HEPH: variants seen among roughly 807,000 people sequenced by gnomAD.
HEPH encodes hephaestin.
Under a neutral mutation model 80.8 loss-of-function variants are expected in HEPH, and 69 were observed. That is an observed-to-expected ratio of 0.85 (90% CI 0.70 to 1.04). HEPH has a LOEUF of 1.04. Ranked by LOEUF, HEPH falls within the 50% of genes least tolerant of loss-of-function variation. HEPH has a pLI of 0.00. For synonymous variants in HEPH, 431 were observed against 322.8 expected (o/e 1.34, Z -3.60); for missense variants, 1,115 against 891.3 (o/e 1.25, Z -3.20).
chrX:66,209,990 T>C (rs1385620710), intron 15 of HEPH, among the ~76,000 whole-genome samples: 1 of 111,493 alleles, frequency 9.0e-6, no homozygotes, highest in Non-Finnish European at 1.9e-5. Context: ...CATCAACATC[T>C]AGATAGTGGT....
intron 9 of HEPH, among the ~76,000 whole-genome samples, chrX:66,197,352 T>C (rs1316855878): frequency 1.8e-5 from 2 of 111,041 alleles, no homozygotes; most frequent in Non-Finnish European, 3.8e-5. Flanking sequence ...GAAGTAGGGA[T>C]GTAAGAGCAG....
rs1194021070 is a variant in HEPH, at chrX:66,263,641, C to T, written c.3200-3C>T. On this transcript the variant is annotated splice_polypyrimidine_tract_variant and splice_region_variant and intron_variant, in intron 19 of 20. Transcript: ENST00000343002. ...ACCTCTTGTCTTTTTTCCCCCCAAC[C>T]AGAACACTTAAGCCCTCTCACCGTC... is the stretch of plus-strand genomic sequence containing the variant. The T allele has an allele frequency of 8.3e-6, 10 of 1,207,920 alleles. No individual in the cohort carries two copies. Among genetic ancestry groups the T allele is most frequent in the African/African-American group, 1.8e-5 (1 of 56,895 alleles).
intron 15 of HEPH, among the ~76,000 whole-genome samples, chrX:66,240,909 A>G (rs1032084053): frequency 2.7e-5 from 3 of 111,965 alleles, no homozygotes; most frequent in African/African-American, 9.7e-5. Flanking sequence ...AAAAAATATT[A>G]CACCAGGCCC....
rs772044603 is a variant in HEPH at position 66,179,849 on chromosome X, T to C, written c.625+6048T>C. Among the ~76,000 whole-genome samples, 79 of 112,022 alleles carry C rather than the reference T, an allele frequency of 7.1e-4. No individual in the cohort carries two copies. The Middle Eastern group carries it at 0.018, about 26-fold the overall frequency. Reference sequence around the variant, plus strand: ...ATAATATAATGGCCCTCTTTGTCTCTTTTAACTGTTGTTGCTTTCATGTCT... The same window carrying C: ...ATAATATAATGGCCCTCTTTGTCTCCTTTAACTGTTGTTGCTTTCATGTCT... On this transcript the variant is annotated intron_variant, in intron 4 of 20. Coordinates refer to ENST00000343002, the MANE Select transcript of HEPH (RefSeq NM_001367233.3).
intron 15 of HEPH, among the ~76,000 whole-genome samples, chrX:66,232,223 A>G (rs1343237903): frequency 9.0e-6 from 1 of 111,147 alleles, no homozygotes; most frequent in Non-Finnish European, 1.9e-5. Context: ...CATCAAGGCT[A>G]TTGGTCTAAA....
intron 13 of HEPH, among the ~76,000 whole-genome samples, chrX:66,204,125 GAAGA>G (rs1286135462): frequency 7.1e-5 from 8 of 111,958 alleles, no homozygotes; most frequent in Non-Finnish European, 7.5e-5. Flanking sequence ...CGGCTATCAT[GAAGA>G]AAGAAAGAAA....
intron 4 of HEPH, among the ~76,000 whole-genome samples, chrX:66,179,097 T>G (rs2086965623): frequency 8.9e-6 from 1 of 112,297 alleles, no homozygotes; most frequent in East Asian, 2.8e-4. Flanking sequence ...TTTAAGTCTT[T>G]AATTCATCTT....
chrX:66,256,037 C>T lies in HEPH; in HGVS notation c.2671-68C>T, dbSNP rs2091167916. ...TGGGCTTGTATGAGAAGCTGGCTCC[C>T]TGCGGAGTACTGCTACCCAGAAACA... On this transcript the variant is annotated intron_variant, in intron 16 of 20. Transcript: ENST00000343002. 3.6e-6 allele frequency: 3 copies of T among 829,078 alleles called. No individual in the cohort carries two copies. In the South Asian group the frequency reaches 7.4e-5, roughly 21 times the overall value. The allele number at this position is 829,078 out of a possible 1,213,427, so 68.3% of individuals were successfully genotyped here.
chrX:66,192,015 T>G, intron 6 of HEPH, 115 bp from the exon 7 acceptor site: 1 of 696,264 alleles, frequency 1.4e-6, no homozygotes, highest in Non-Finnish European at 2.1e-6. Context: ...GGAGCAGGAG[T>G]AAAGAGAGTA....
intron 10 of HEPH, among the ~76,000 whole-genome samples, chrX:66,198,605 T>C (rs1222599306): frequency 9.0e-6 from 1 of 110,937 alleles, no homozygotes; most frequent in East Asian, 2.8e-4. Flanking sequence ...TTTTACACTC[T>C]ATACCTCTTA....
At chrX:66,229,001 C>A (rs1398514922) in intron 15 of HEPH, among the ~76,000 whole-genome samples, 1 of 112,476 alleles carries the variant, frequency 8.9e-6, no homozygotes, top group East Asian at 2.8e-4. Flanking sequence ...AGTAGAACTA[C>A]CATTTGATCC....
chrX:66,243,247 A>G (rs1034903473), intron 15 of HEPH, among the ~76,000 whole-genome samples: 1 of 112,115 alleles, frequency 8.9e-6, no homozygotes, highest in African/African-American at 3.2e-5. Flanking sequence ...CAAATACTGC[A>G]TGTTTTCACT....
chrX:66,165,891 C>T (rs892851989), intron 1 of HEPH, among the ~76,000 whole-genome samples: 4 of 109,952 alleles, frequency 3.6e-5, no homozygotes, highest in African/African-American at 1.3e-4. Context: ...GTTCTTTTTC[C>T]TCATCAGTCT....
intron 19 of HEPH, 145 bp from the exon 20 acceptor site, chrX:66,263,499 A>G: frequency 1.9e-6 from 1 of 531,851 alleles, no homozygotes; most frequent in Non-Finnish European, 3.2e-6. Flanking sequence ...ATTGACTTGG[A>G]CTATAAAGTA....
rs1280147193 is a variant in HEPH, at chrX:66,258,947, A to G, written c.3004A>G (p.Ile1002Val). The G allele has an allele frequency of 8.3e-6, 10 of 1,203,174 alleles. No homozygotes were observed. Among genetic ancestry groups the G allele is most frequent in the Non-Finnish European group, 1.1e-5 (10 of 891,863 alleles). ...AMGQDVDLHT[I>V]HFHAESFLYR... ...GGGCCAAGATGTGGATCTACACACC[A>G]TCCACTTTCATGCAGAGAGCTTCCT... is the stretch of plus-strand genomic sequence containing the variant. Residue 1002 changes from isoleucine (I) to valine (V), a missense_variant, in exon 18 of 21, where the codon ATC becomes GTC. This residue lies in a region of HEPH where 716 missense variants were observed against 523.5 expected (regional missense o/e 1.37). Coordinates refer to ENST00000343002, the MANE Select transcript of HEPH (RefSeq NM_001367233.3).
chrX:66,221,517 A>G (rs1291611754), intron 15 of HEPH, among the ~76,000 whole-genome samples: 1 of 112,679 alleles, frequency 8.9e-6, no homozygotes, highest in Admixed American at 9.3e-5. Context: ...TTGTGCTAAC[A>G]GGGCCATTGC....
chrX:66,210,722 C>T (rs1235632179), intron 15 of HEPH, among the ~76,000 whole-genome samples: 2 of 110,824 alleles, frequency 1.8e-5, no homozygotes, highest in Non-Finnish European at 1.9e-5. Context: ...ATGGAGACAA[C>T]TAGATAAATT....
chrX:66,169,403 G>A (rs1289669439), intron 1 of HEPH, among the ~76,000 whole-genome samples: 1 of 111,687 alleles, frequency 9.0e-6, no homozygotes, highest in Non-Finnish European at 1.9e-5. Context: ...ATGTATTTAT[G>A]TGATGTTGTC....
chrX:66,179,781 G>A (rs1211567229), intron 4 of HEPH, among the ~76,000 whole-genome samples: 3 of 111,253 alleles, frequency 2.7e-5, no homozygotes, highest in African/African-American at 9.8e-5. Context: ...GTGCATATAT[G>A]TTTAGGATTG....
Sources: gnomAD v4.1 joint callset for allele counts (sites outside exome capture counted in the v4.1 genomes callset) on GRCh38, gnomAD v4.1.1 for gene constraint, gnomAD v4.1.1 regional missense constraint, MANE v1.5 for transcripts, NCBI Gene and HGNC (gene_info 2026-07-23, HGNC 2026-07-21) for gene names.